Variants in SLC37A1 observed in about 807,000 individuals in gnomAD.
SLC37A1 encodes the protein solute carrier family 37 member 1, also known as glucose-6-phosphate exchanger SLC37A1.
SLC37A1 carries 49 observed loss-of-function variants against 75.3 expected under a neutral mutation model. The observed-to-expected ratio is 0.65, with a 90% CI of 0.52 to 0.83. SLC37A1 has a LOEUF of 0.83. Among genes scored for constraint, SLC37A1 ranks in the 40% least tolerant of loss-of-function variants. The pLI, the probability that SLC37A1 is intolerant of heterozygous loss-of-function variation, is 0.00. For synonymous variants in SLC37A1, 268 were observed against 292.1 expected, an observed-to-expected ratio of 0.92 and a Z score of 0.84; for missense variants, 566 against 695.0, an observed-to-expected ratio of 0.81 and a Z score of 2.09.
In SLC37A1 at chr21:42,563,797, C is replaced by T; in HGVS notation, c.1073-18C>T. The T allele has an allele frequency of 2.5e-6, 4 of 1,613,816 alleles. No individual in the cohort carries two copies. Among genetic ancestry groups the T allele is most frequent in the Non-Finnish European group, 3.4e-6 (4 of 1,179,770 alleles). The stretch of plus-strand genomic sequence containing the variant: ...AAGGAGATCCTCACTGTTTCACACT[C>T]CGTTGTCATTTCAATAGATCACCTT... On this transcript the variant is annotated intron_variant, in intron 12 of 19. Transcript: ENST00000352133.
At chr21:42,534,893 C>A (rs112027300) in intron 4 of SLC37A1, 63 bp downstream of exon 4, 2 of 1,571,738 alleles carry the variant, frequency 1.3e-6, no homozygotes, top group South Asian at 2.4e-5. Flanking sequence ...TGCTATTAAT[C>A]ACTTTAGCAG....
In SLC37A1 at chr21:42,547,039, G is replaced by C; in HGVS notation, c.731-64G>C. On this transcript the variant is annotated intron_variant, in intron 8 of 19. Transcript: ENST00000352133. This position sits in a 1 kb window ranked among gnomAD's most constrained non-coding sequence, Gnocchi z 6.1. Reference sequence around the variant, plus strand: ...CCGTGTTGCCCTGTCCTCGGGTTACGTAGCTTACTTGGCATTGCCATGGTG... The same window carrying C: ...CCGTGTTGCCCTGTCCTCGGGTTACCTAGCTTACTTGGCATTGCCATGGTG... 2 of 1,606,694 alleles carry C rather than the reference G, an allele frequency of 1.2e-6. No individual in the cohort carries two copies. The highest frequency in any genetic ancestry group is 3.3e-5 in the Admixed American group (2 of 59,988).
rs773926885 is a variant in SLC37A1 at position 42,542,442 on chromosome 21, C to T, written c.525C>T (p.Ser175=). ...NGLVQTTGWP[S]VVTCLGNWFG... ...TGGTGCAGACCACCGGCTGGCCCAG[C>T]GTCGTCACCTGCCTCGGCAACTGGT... The change falls in exon 7 of 20, where the codon AGC becomes AGT. Residue 175 remains serine, a synonymous_variant. Transcript: ENST00000352133. 22 of 1,613,772 alleles carry T rather than the reference C, an allele frequency of 1.4e-5. No individual in the cohort carries two copies. Among genetic ancestry groups the T allele is most frequent in the African/African-American group, 2.7e-5 (2 of 74,900 alleles).
chr21:42,566,137 G>A (rs1054372129), intron 15 of SLC37A1, among the ~76,000 whole-genome samples: 7 of 152,246 alleles, frequency 4.6e-5, no homozygotes, highest in Admixed American at 1.3e-4. Flanking sequence ...GTGGCCCTGG[G>A]CACTCAGTGG....
At chr21:42,576,947 A>G (rs2056321054) in intron 18 of SLC37A1, among the ~76,000 whole-genome samples, 1 of 152,264 alleles carries the variant, frequency 6.6e-6, no homozygotes, top group Admixed American at 6.5e-5. Flanking sequence ...AAGTAATTCC[A>G]GAGGAAGATG....
intron 17 of SLC37A1, among the ~76,000 whole-genome samples, chr21:42,573,893 G>A (rs987862869): frequency 2.0e-5 from 3 of 152,194 alleles, no homozygotes; most frequent in Admixed American, 6.5e-5. Context: ...GGGCATTTAG[G>A]GGGATACGTT....
At chr21:42,542,766 C>A (rs1272153211) in intron 7 of SLC37A1, among the ~76,000 whole-genome samples, 1 of 152,222 alleles carries the variant, frequency 6.6e-6, no homozygotes, top group Admixed American at 6.5e-5. Context: ...AGTCCAGGAC[C>A]CTGCCCCAGG....
chr21:42,559,624 C>G (rs1044037830), intron 11 of SLC37A1, among the ~76,000 whole-genome samples: 1 of 152,260 alleles, frequency 6.6e-6, no homozygotes, highest in Non-Finnish European at 1.5e-5. Context: ...GCCTATAATC[C>G]CAGCACTTTG....
chr21:42,579,926 C>T (rs903775308), intron 19 of SLC37A1, 126 bp downstream of exon 19: 71 of 839,086 alleles, frequency 8.5e-5, no homozygotes, highest in Non-Finnish European at 1.1e-4. Flanking sequence ...TTTCACGGCA[C>T]GCCACCTTCA....
chr21:42,515,089 TTC>T (rs2054497700), intron 1 of SLC37A1, among the ~76,000 whole-genome samples: 1 of 152,198 alleles, frequency 6.6e-6, no homozygotes, highest in Non-Finnish European at 1.5e-5. Flanking sequence ...ACCTGTGATG[TTC>T]TCTTTGTTGG....
At chr21:42,539,890 C>T (rs1307230736) in intron 6 of SLC37A1, among the ~76,000 whole-genome samples, 2 of 152,224 alleles carry the variant, frequency 1.3e-5, no homozygotes, top group East Asian at 1.9e-4. Flanking sequence ...GTCAGTGCCC[C>T]GGCAGGGAAA....
intron 19 of SLC37A1, 142 bp downstream of exon 19, chr21:42,579,942 A>T (rs380152): frequency 1.8e-5 from 13 of 734,498 alleles, no homozygotes; most frequent in Non-Finnish European, 2.8e-5. Context: ...CTTCACTCTC[A>T]CTTTTTCTTT....
intron 13 of SLC37A1, 112 bp from the exon 14 acceptor site, chr21:42,564,596 A>T: frequency 1.2e-6 from 1 of 805,270 alleles, no homozygotes; most frequent in Non-Finnish European, 2.1e-6. Flanking sequence ...ATGCATGGAG[A>T]GAGGGGCTTG....
intron 17 of SLC37A1, among the ~76,000 whole-genome samples, chr21:42,573,878 T>C (rs2056246597): frequency 6.6e-6 from 1 of 152,240 alleles, no homozygotes; most frequent in African/African-American, 2.4e-5. Context: ...TAAACAGCAG[T>C]CCTTGGGCAT....
rs142131955 is a variant in SLC37A1, at chr21:42,547,110, C to T, written c.738C>T (p.Asn246=). ...VCFLFLIEHP[N]DVRCSSTLVT... ...TCATGTTTGCTCTTTCAGATCCGAA[C>T]GACGTCAGGTGCTCCTCCACCCTGG... Residue 246 remains asparagine, a synonymous_variant, in exon 9 of 20, where the codon AAC becomes AAT. Transcript: ENST00000352133. The surrounding 1 kb of genome is among the most constrained non-coding windows in gnomAD (Gnocchi z 6.1). 49 of 1,614,134 alleles carry T rather than the reference C, an allele frequency of 3.0e-5. No individual in the cohort carries two copies. Among genetic ancestry groups the T allele is most frequent in the South Asian group, 1.8e-4 (16 of 91,078 alleles).
chr21:42,543,839 C>G (rs547382805), intron 8 of SLC37A1, among the ~76,000 whole-genome samples: 1 of 152,338 alleles, frequency 6.6e-6, no homozygotes, highest in Admixed American at 6.5e-5. Context: ...TCCTTCCTCC[C>G]GTCCTCCTGT....
intron 18 of SLC37A1, among the ~76,000 whole-genome samples, chr21:42,577,211 C>CA (rs5844128): frequency 6.6e-6 from 1 of 151,650 alleles, no homozygotes; most frequent in Non-Finnish European, 1.5e-5. Context: ...GAAATGCAAG[C>CA]AAAAAAAAAG....
At chr21:42,512,999 G>A (rs1037017560), upstream of SLC37A1, among the ~76,000 whole-genome samples, 1 of 152,158 alleles carries the variant, frequency 6.6e-6, no homozygotes, top group Non-Finnish European at 1.5e-5. Context: ...GCCAGGCCTC[G>A]GGTTGGTTTT....
At chr21:42,570,863 C>T (rs2056143746) in intron 17 of SLC37A1, among the ~76,000 whole-genome samples, 1 of 152,232 alleles carries the variant, frequency 6.6e-6, no homozygotes, top group Non-Finnish European at 1.5e-5. Flanking sequence ...AGGCACAGTT[C>T]TGAATGCCTT....
Sources: allele counts gnomAD v4.1 joint callset (sites outside exome capture counted in the v4.1 genomes callset), GRCh38; gene constraint gnomAD v4.1.1; non-coding constraint Gnocchi (gnomAD v3.1); transcripts MANE v1.5; gene names NCBI Gene and HGNC (gene_info 2026-07-23, HGNC 2026-07-21).